Variants in MGAT5 observed in about 807,000 individuals in gnomAD.
MGAT5 encodes alpha-1,6-mannosylglycoprotein 6-beta-N-acetylglucosaminyltransferase A.
A neutral mutation model predicts 94.3 loss-of-function variants in MGAT5; 30 were observed. The ratio of observed to expected loss-of-function variants is 0.32; its 90% CI spans 0.24 to 0.43. MGAT5 has a LOEUF of 0.43. MGAT5 is among the 20% of genes least tolerant of loss of function. The probability of loss-of-function intolerance (pLI) is 1.00; values close to 1 mark genes in which losing one functional copy is unlikely to be tolerated. For missense variants in MGAT5, 691 were observed against 905.5 expected (o/e 0.76, Z 3.04); for synonymous variants, 310 against 322.9 (o/e 0.96, Z 0.43).
chr2:134,179,483 A>G (rs1688633225), intron 1 of MGAT5, among the ~76,000 whole-genome samples: 1 of 152,122 alleles, frequency 6.6e-6, no homozygotes, highest in African/African-American at 2.4e-5. Flanking sequence ...CTCTAGGAGC[A>G]ATGTTTCAGG....
At chr2:134,321,506 T>C (rs543510530) in intron 4 of MGAT5, among the ~76,000 whole-genome samples, 1 of 152,274 alleles carries the variant, frequency 6.6e-6, no homozygotes, top group East Asian at 1.9e-4. Flanking sequence ...AGTATATGGC[T>C]AAGCTGAGAG....
chr2:134,143,430 G>A (rs921908278), intron 1 of MGAT5, among the ~76,000 whole-genome samples: 1 of 152,216 alleles, frequency 6.6e-6, no homozygotes, highest in Non-Finnish European at 1.5e-5. Flanking sequence ...GCCCCTGCTT[G>A]CTGCCTATTT....
intron 2 of MGAT5, among the ~76,000 whole-genome samples, chr2:134,286,946 T>G (rs1192439181): frequency 6.6e-6 from 1 of 152,220 alleles, no homozygotes; most frequent in African/African-American, 2.4e-5. Flanking sequence ...TTCTACCTTG[T>G]GTTCAGATGT....
intron 1 of MGAT5, among the ~76,000 whole-genome samples, chr2:134,263,508 G>C (rs1251394412): frequency 6.6e-6 from 1 of 152,234 alleles, no homozygotes; most frequent in Non-Finnish European, 1.5e-5. Flanking sequence ...TTTGACTTTG[G>C]TGATAATTGT....
intron 1 of MGAT5, among the ~76,000 whole-genome samples, chr2:134,196,116 G>A (rs745714943): frequency 2.4e-4 from 36 of 152,168 alleles, no homozygotes; most frequent in Non-Finnish European, 4.0e-4. Context: ...GGTGCTCTTC[G>A]GAAGTTGAAT....
rs188903697 is a variant in MGAT5, at chr2:134,314,987, C to T, written c.407-2542C>T. 3.9e-5 allele frequency among the ~76,000 whole-genome samples: 6 copies of T among 152,324 alleles called. 1 individual carries two copies. The highest frequency in any genetic ancestry group is 1.4e-4 in the African/African-American group (6 of 41,574). ...AGAGTTGAGTAGCTGAGAAAGGGAC[C>T]TTGTGGCTCACAGAGCCTTAAATAT... On this transcript the variant is annotated intron_variant, in intron 2 of 15. Coordinates refer to ENST00000281923, the MANE Select transcript of MGAT5 (RefSeq NM_002410.5).
intron 1 of MGAT5, among the ~76,000 whole-genome samples, chr2:134,244,848 G>A (rs1682152937): frequency 6.6e-6 from 1 of 152,160 alleles, no homozygotes; most frequent in East Asian, 1.9e-4. Flanking sequence ...ATGGCATCTA[G>A]TGGCTAGAGG....
intron 10 of MGAT5, among the ~76,000 whole-genome samples, chr2:134,381,797 G>A (rs1558842610): frequency 6.6e-6 from 1 of 152,146 alleles, no homozygotes; most frequent in East Asian, 1.9e-4. Flanking sequence ...TTGTGGACTT[G>A]GTCTTTAGGT....
chr2:134,234,180 T>C (rs1681514270), intron 1 of MGAT5, among the ~76,000 whole-genome samples: 1 of 152,144 alleles, frequency 6.6e-6, no homozygotes, highest in Non-Finnish European at 1.5e-5. Flanking sequence ...GATGAAGTAG[T>C]TGGGGGCTGA....
chr2:134,328,477 T>C (rs2105941938), intron 4 of MGAT5, among the ~76,000 whole-genome samples: 1 of 152,216 alleles, frequency 6.6e-6, no homozygotes, highest in South Asian at 2.1e-4. Flanking sequence ...CAAGATAAAG[T>C]CTGCTTTGCC....
intron 8 of MGAT5, among the ~76,000 whole-genome samples, chr2:134,348,937 G>A (rs1326477077): frequency 6.6e-6 from 1 of 152,176 alleles, no homozygotes; most frequent in East Asian, 1.9e-4. Context: ...AGCTTTTTGA[G>A]CCGTATATGC....
At chr2:134,170,679 C>T (rs1388745098) in intron 1 of MGAT5, among the ~76,000 whole-genome samples, 1 of 152,136 alleles carries the variant, frequency 6.6e-6, no homozygotes, top group Non-Finnish European at 1.5e-5. Context: ...TCCCTCCCTC[C>T]CTTACTGAGG....
rs184801303 is a variant in MGAT5, at chr2:134,240,000, A to G, written c.-142-14262A>G. Among the ~76,000 whole-genome samples, 17 of 152,208 alleles carry G rather than the reference A, an allele frequency of 1.1e-4. No homozygotes were observed. The East Asian group carries it at 3.3e-3, about 29-fold the overall frequency. On this transcript the variant is annotated intron_variant, in intron 1 of 16. Coordinates refer to the MGAT5 transcript ENST00000409645. ...CAGTTATGTTGTAGTGTGTCGATCTAGTAAAATCCAACTGGTTGTTCAGAT... is the reference window on the plus strand; with the variant it reads ...CAGTTATGTTGTAGTGTGTCGATCTGGTAAAATCCAACTGGTTGTTCAGAT...
chr2:134,413,053 T>A, intron 12 of MGAT5, 38 bp downstream of exon 12: 2 of 1,607,528 alleles, frequency 1.2e-6, no homozygotes, highest in African/African-American at 1.3e-5. Context: ...TTGAATAATA[T>A]GAATAATAGC....
chr2:134,275,207 G>A (rs1043618106), intron 2 of MGAT5, among the ~76,000 whole-genome samples: 2 of 152,194 alleles, frequency 1.3e-5, no homozygotes, highest in African/African-American at 4.8e-5. Context: ...ACTGAGAGAC[G>A]GGAGAGAGAT....
At position 134,359,577 on chromosome 2, in the gene MGAT5, TA is replaced by T. The variant is rs1679954076; in HGVS notation, c.1247-2694del. Among the ~76,000 whole-genome samples the T allele has an allele frequency of 2.6e-5, 4 of 152,348 alleles. No homozygotes were observed. The South Asian group carries it at 8.3e-4, about 32-fold the overall frequency. On this transcript the variant is annotated intron_variant, in intron 9 of 15. Transcript: ENST00000281923. ...TTATCTTCTGGGATGGAGGGATTAC[TA>T]AAAGTACAGGATTTCCTGCATCCCG...
Position 134,215,103 on chromosome 2 carries a change from A to G in MGAT5, c.-142-39159A>G, listed in dbSNP as rs997912384. On this transcript the variant is annotated intron_variant, in intron 1 of 16. Coordinates refer to the MGAT5 transcript ENST00000409645. ...TTCATGTATATTGTTGCATGTAATC[A>G]TTCTCATTGCTGTATAGTATTCCAT... is the stretch of plus-strand genomic sequence containing the variant. Among the ~76,000 whole-genome samples, 72 of 152,236 alleles carry G rather than the reference A, an allele frequency of 4.7e-4. 1 individual carries two copies. The highest frequency in any genetic ancestry group is 4.4e-3 in the Admixed American group (67 of 15,284).
intron 10 of MGAT5, among the ~76,000 whole-genome samples, chr2:134,383,856 T>C (rs1335847640): frequency 6.6e-6 from 1 of 152,058 alleles, no homozygotes; most frequent in Non-Finnish European, 1.5e-5. Flanking sequence ...ATTTTTTGTA[T>C]TTTTTAGTAG....
At chr2:134,331,441 T>C (rs1464858303) in intron 4 of MGAT5, among the ~76,000 whole-genome samples, 1 of 152,140 alleles carries the variant, frequency 6.6e-6, no homozygotes, top group Admixed American at 6.6e-5. Context: ...GGAGGAATGC[T>C]TCTCCTCAAT....
Sources: allele counts gnomAD v4.1 joint callset (sites outside exome capture counted in the v4.1 genomes callset), GRCh38; gene constraint gnomAD v4.1.1; transcripts MANE v1.5; gene names NCBI Gene and HGNC (gene_info 2026-07-23, HGNC 2026-07-21).